The following GRIA3 variants were observed in gnomAD, a reference collection of about 807,000 sequenced individuals.
GRIA3 encodes the protein glutamate ionotropic receptor AMPA type subunit 3.
GRIA3 carries 3 observed loss-of-function variants against 63.0 expected under a neutral mutation model. The observed-to-expected ratio is 0.05, with a 90% CI of 0.02 to 0.12. The LOEUF is 0.12. GRIA3 is among the 10% of genes least tolerant of loss of function. The probability of loss-of-function intolerance (pLI) is 1.00; values close to 1 mark genes in which losing one functional copy is unlikely to be tolerated. For synonymous variants in GRIA3, 274 were observed against 257.9 expected, an observed-to-expected ratio of 1.06 and a Z score of -0.60; for missense variants, 347 against 700.9, an observed-to-expected ratio of 0.50 and a Z score of 5.70.
At chrX:123,208,888 G>C (rs937722035) in intron 2 of GRIA3, among the ~76,000 whole-genome samples, 1 of 112,271 alleles carries the variant, frequency 8.9e-6, no homozygotes, top group African/African-American at 3.2e-5. Flanking sequence ...ATATTTAACA[G>C]AGGGACTTTC....
At chrX:123,289,287 G>A (rs1424197085) in intron 3 of GRIA3, among the ~76,000 whole-genome samples, 1 of 110,154 alleles carries the variant, frequency 9.1e-6, no homozygotes, top group Non-Finnish European at 1.9e-5. Flanking sequence ...GGCACTAGGG[G>A]AGGGATAGCA....
chrX:123,386,971 ATT>A (rs77904751), intron 5 of GRIA3, among the ~76,000 whole-genome samples: 3 of 108,437 alleles, frequency 2.8e-5, no homozygotes, highest in African/African-American at 1.0e-4. Context: ...GAATTTTAGG[ATT>A]TTTTTTTCTA....
intron 2 of GRIA3, among the ~76,000 whole-genome samples, chrX:123,222,658 G>A (rs749180319): frequency 8.9e-6 from 1 of 112,262 alleles, no homozygotes; most frequent in African/African-American, 3.2e-5. Context: ...AGGGTTTCTG[G>A]TTTAGTTGAT....
chrX:123,390,036 T>C (rs138628146), intron 5 of GRIA3, among the ~76,000 whole-genome samples: 2,148 of 111,958 alleles, frequency 0.019, 40 homozygotes, highest in African/African-American at 0.065. Context: ...GAAAGTTTAA[T>C]CTATTTATAT....
intron 2 of GRIA3, among the ~76,000 whole-genome samples, chrX:123,240,382 C>G (rs1357469957): frequency 9.0e-6 from 1 of 111,148 alleles, no homozygotes; most frequent in African/African-American, 3.3e-5. Flanking sequence ...GCTCTTCAGG[C>G]TATTGAGACA....
intron 4 of GRIA3, among the ~76,000 whole-genome samples, chrX:123,345,099 T>C (rs1210790201): frequency 1.8e-5 from 2 of 110,926 alleles, no homozygotes; most frequent in Non-Finnish European, 3.8e-5. Context: ...CAAGGGAATG[T>C]AGATTATGTT....
At chrX:123,350,693 G>A (rs946135550) in intron 4 of GRIA3, among the ~76,000 whole-genome samples, 5 of 112,172 alleles carry the variant, frequency 4.5e-5, no homozygotes, top group Admixed American at 1.9e-4. Flanking sequence ...AGTCTCCCCA[G>A]AATGGGTTGA....
At chrX:123,384,209 A>C (rs189798742) in intron 5 of GRIA3, among the ~76,000 whole-genome samples, 14 of 112,310 alleles carry the variant, frequency 1.2e-4, no homozygotes, top group Admixed American at 3.8e-4. Context: ...ATTCCTCTGG[A>C]TATATACCCA....
At position 123,381,433 on chromosome X, in the gene GRIA3, T is replaced by C. The variant is rs748557861; in HGVS notation, c.751-13535T>C. Among the ~76,000 whole-genome samples the C allele has an allele frequency of 4.5e-5, 5 of 111,921 alleles. 1 individual carries two copies. Among genetic ancestry groups the C allele is most frequent in the South Asian group, 3.7e-4 (1 of 2,674 alleles). On this transcript the variant is annotated intron_variant, in intron 5 of 15. Transcript: ENST00000620443. The stretch of plus-strand genomic sequence containing the variant: ...CCTGTGCTGTGTGAGTATCTTTACA[T>C]TGGTTTGGGGGGACCATTGGCCTGC...
rs761684052 is a variant in GRIA3, at chrX:123,402,947, A to G, written c.1081-47A>G. 14 of 689,146 alleles carry G rather than the reference A, an allele frequency of 2.0e-5. No individual in the cohort carries two copies. The East Asian group carries it at 4.8e-4, about 24-fold the overall frequency. The allele number at this position is 689,146 out of a possible 1,213,427, so 56.8% of individuals were successfully genotyped here. On this transcript the variant is annotated intron_variant, in intron 7 of 15. Transcript: ENST00000620443. ...ACCTCATCCCAGAGACTTAGAAGGC[A>G]ATAATGCCGTGCTATTTTTAAATTT... is the stretch of plus-strand genomic sequence containing the variant.
chrX:123,374,077 T>C (rs1041357427), intron 5 of GRIA3, among the ~76,000 whole-genome samples: 1 of 111,987 alleles, frequency 8.9e-6, no homozygotes, highest in African/African-American at 3.2e-5. Flanking sequence ...TACATATGGC[T>C]AGCCAGTTTT....
rs765667291 is a variant in GRIA3 at position 123,428,282 on chromosome X, G to T, written c.2076+143G>T. The stretch of plus-strand genomic sequence containing the variant: ...GAGCATCTTAAATACTGGGCTGCTT[G>T]GTTGGTGATCTACTCCATTGTCGTT... On this transcript the variant is annotated intron_variant, in intron 12 of 15. Coordinates refer to ENST00000620443, the MANE Select transcript of GRIA3 (RefSeq NM_007325.5). 273 of 507,743 alleles carry T rather than the reference G, an allele frequency of 5.4e-4. 2 individuals carry two copies. The highest frequency in any genetic ancestry group is 9.4e-5 in the Non-Finnish European group (27 of 287,928). The allele number at this position is 507,743 out of a possible 1,213,427, so 41.8% of individuals were successfully genotyped here. A position where few individuals can be genotyped will look rare whatever the true frequency, so the allele number is the denominator to read the frequency against.
rs887052879 is a variant in GRIA3 at position 123,184,417 on chromosome X, C to A, written c.-119C>A. On this transcript the variant is annotated 5_prime_UTR_variant, in exon 1 of 16. Coordinates refer to ENST00000620443, the MANE Select transcript of GRIA3 (RefSeq NM_007325.5). ...GTGTGGGGTGGAAAGGAAGAGTGAG[C>A]GAGAGCAAGTTAAGGGGAGGGGGTG... is the stretch of plus-strand genomic sequence containing the variant. The A allele has an allele frequency of 1.7e-6, 1 of 589,410 alleles. No individual in the cohort carries two copies. The highest frequency in any genetic ancestry group is 2.3e-5 in the African/African-American group (1 of 43,784). The allele number at this position is 589,410 out of a possible 1,213,427, so 48.6% of individuals were successfully genotyped here.
At chrX:123,474,483 A>G (rs987925430) in intron 13 of GRIA3, among the ~76,000 whole-genome samples, 8 of 111,160 alleles carry the variant, frequency 7.2e-5, no homozygotes, top group Non-Finnish European at 1.5e-4. Context: ...AGAGATTGAG[A>G]CCATCCTGGC....
intron 12 of GRIA3, among the ~76,000 whole-genome samples, chrX:123,431,913 T>C (rs1249466494): frequency 8.9e-6 from 1 of 112,281 alleles, no homozygotes; most frequent in Non-Finnish European, 1.9e-5. Flanking sequence ...CCATTATTTG[T>C]TTGTTTTTTA....
At chrX:123,233,908 T>A (rs2044288941) in intron 2 of GRIA3, among the ~76,000 whole-genome samples, 1 of 111,499 alleles carries the variant, frequency 9.0e-6, no homozygotes, top group South Asian at 3.8e-4. Flanking sequence ...CTCCTATGTA[T>A]AATTCCTAAA....
At chrX:123,417,837 G>A (rs766862984) in intron 11 of GRIA3, 59 bp downstream of exon 11, 1 of 982,933 alleles carries the variant, frequency 1.0e-6, no homozygotes, top group East Asian at 3.1e-5. Context: ...CTCCATTCAT[G>A]TACATATGGT....
intron 5 of GRIA3, among the ~76,000 whole-genome samples, chrX:123,376,898 C>T (rs1286842818): frequency 7.5e-5 from 8 of 107,375 alleles, no homozygotes; most frequent in Non-Finnish European, 1.3e-4. Flanking sequence ...CCTAATATTC[C>T]TCTTCTTATC....
At chrX:123,457,549 T>C (rs1479572200) in intron 12 of GRIA3, among the ~76,000 whole-genome samples, 1 of 112,293 alleles carries the variant, frequency 8.9e-6, no homozygotes, top group African/African-American at 3.2e-5. Context: ...AACACTGGAA[T>C]ACAAAGTGCC....
Sources: gnomAD v4.1 joint callset for allele counts (sites outside exome capture counted in the v4.1 genomes callset) on GRCh38, gnomAD v4.1.1 for gene constraint, MANE v1.5 for transcripts, NCBI Gene and HGNC (gene_info 2026-07-23, HGNC 2026-07-21) for gene names.